EFCAB5: variants seen among roughly 807,000 people sequenced by gnomAD.
The protein encoded by EFCAB5 is EF-hand calcium binding domain 5, also known as EF-hand calcium-binding domain-containing protein 5.
A neutral mutation model predicts 167.9 loss-of-function variants in EFCAB5; 131 were observed. That is an observed-to-expected ratio of 0.78 (90% CI 0.68 to 0.90). EFCAB5 has a LOEUF of 0.90. Ranked by LOEUF, EFCAB5 falls within the 40% of genes least tolerant of loss-of-function variation. The pLI, the probability that EFCAB5 is intolerant of heterozygous loss-of-function variation, is 0.00. For missense variants in EFCAB5, 1,663 were observed against 1,745.2 expected (o/e 0.95, Z 0.84); for synonymous variants, 574 against 602.8 (o/e 0.95, Z 0.70).
chr17:30,078,144 G>GA (rs774447579), intron 14 of EFCAB5, 71 bp from the exon 15 acceptor site: 1 of 1,483,062 alleles, frequency 6.7e-7, no homozygotes, highest in Non-Finnish European at 9.0e-7. Context: ...ATCGTAAGAG[G>GA]AGAATGAAAA....
At chr17:29,968,572 T>A (rs765270268) in intron 3 of EFCAB5, among the ~76,000 whole-genome samples, 1 of 152,190 alleles carries the variant, frequency 6.6e-6, no homozygotes, top group African/African-American at 2.4e-5. Flanking sequence ...CCTACGTATT[T>A]AATGAAATCA....
chr17:30,040,431 G>C (rs914712367), intron 8 of EFCAB5, among the ~76,000 whole-genome samples: 1 of 152,156 alleles, frequency 6.6e-6, no homozygotes. Flanking sequence ...ACCTTTACTG[G>C]ACACTCTGCC....
intron 22 of EFCAB5, among the ~76,000 whole-genome samples, chr17:30,096,677 A>ATATTTTT (rs1193558323): frequency 2.5e-4 from 15 of 60,126 alleles, no homozygotes; most frequent in African/African-American, 1.2e-3. Context: ...ATATATATAT[A>ATATTTTT]TTTTTTTTTT....
intron 14 of EFCAB5, among the ~76,000 whole-genome samples, chr17:30,066,752 C>T (rs915276598): frequency 6.6e-6 from 1 of 151,452 alleles, no homozygotes; most frequent in African/African-American, 2.4e-5. Context: ...AAAGATAAAC[C>T]ATATTGCCAA....
At chr17:30,098,475 T>C (rs994385069) in intron 22 of EFCAB5, among the ~76,000 whole-genome samples, 5 of 150,066 alleles carry the variant, frequency 3.3e-5, no homozygotes, top group Admixed American at 6.7e-5. Flanking sequence ...GAGGCTGCAG[T>C]GAGCCATGTT....
At chr17:30,022,092 T>C (rs2069193602) in intron 7 of EFCAB5, among the ~76,000 whole-genome samples, 1 of 152,194 alleles carries the variant, frequency 6.6e-6, no homozygotes. Flanking sequence ...TGTTTTCTGA[T>C]GGATAAATGA....
At chr17:29,997,104 G>A (rs2068560674) in intron 6 of EFCAB5, among the ~76,000 whole-genome samples, 1 of 152,058 alleles carries the variant, frequency 6.6e-6, no homozygotes, top group African/African-American at 2.4e-5. Context: ...AATTAGCCGG[G>A]CATGGTGGCG....
chr17:30,094,838 GTGC>G (rs1406970258), intron 22 of EFCAB5, among the ~76,000 whole-genome samples: 1 of 152,206 alleles, frequency 6.6e-6, no homozygotes, highest in Non-Finnish European at 1.5e-5. Context: ...TTGCAGGTGA[GTGC>G]TGCTGACATA....
intron 3 of EFCAB5, among the ~76,000 whole-genome samples, chr17:29,951,882 G>A (rs1033763124): frequency 2.0e-5 from 3 of 152,102 alleles, no homozygotes; most frequent in South Asian, 2.1e-4. Flanking sequence ...TGCAGGTGGT[G>A]ACATAAATTG....
chr17:29,974,595 C>T (rs941145801), intron 4 of EFCAB5, among the ~76,000 whole-genome samples: 4 of 151,620 alleles, frequency 2.6e-5, no homozygotes, highest in Non-Finnish European at 4.4e-5. Context: ...AAAATAGAGC[C>T]ATGCAAAAAA....
intron 7 of EFCAB5, among the ~76,000 whole-genome samples, chr17:30,009,044 T>G (rs539767162): frequency 6.6e-6 from 1 of 152,346 alleles, no homozygotes; most frequent in South Asian, 2.1e-4. Context: ...GTGGTCACAT[T>G]GCCTTTTCTT....
At chr17:29,945,806 T>C (rs1036253307) in intron 3 of EFCAB5, among the ~76,000 whole-genome samples, 2 of 152,132 alleles carry the variant, frequency 1.3e-5, no homozygotes, top group Non-Finnish European at 2.9e-5. Flanking sequence ...TGAAACTGCA[T>C]CCCTATCTCT....
At chr17:30,021,254 T>C (rs1289792402) in intron 7 of EFCAB5, among the ~76,000 whole-genome samples, 1 of 150,548 alleles carries the variant, frequency 6.6e-6, no homozygotes, top group Non-Finnish European at 1.5e-5. Flanking sequence ...AATGAGTTTA[T>C]ATAAGTACTA....
At chr17:30,072,265 A>T (rs2070757157) in intron 14 of EFCAB5, among the ~76,000 whole-genome samples, 1 of 152,212 alleles carries the variant, frequency 6.6e-6, no homozygotes, top group Non-Finnish European at 1.5e-5. Flanking sequence ...GTACCCCATA[A>T]ATATGGACAA....
chr17:30,091,630 A>G (rs2071198739), intron 20 of EFCAB5, among the ~76,000 whole-genome samples: 2 of 152,216 alleles, frequency 1.3e-5, no homozygotes, highest in Admixed American at 6.5e-5. Context: ...GTCTAACTCT[A>G]AAACCCAAGT....
intron 14 of EFCAB5, chr17:30,073,656 G>C: frequency 1.4e-6 from 1 of 713,728 alleles, no homozygotes; most frequent in Non-Finnish European, 2.6e-6. Flanking sequence ...AGGGAAAGAA[G>C]GAAGTTTTTT....
chr17:29,973,483 T>TC (rs2068000422), intron 4 of EFCAB5, among the ~76,000 whole-genome samples: 1 of 148,448 alleles, frequency 6.7e-6, no homozygotes, highest in African/African-American at 2.5e-5. Context: ...CTTTTTCCTT[T>TC]TTTTTTTTTT....
At position 30,053,653 on chromosome 17, in the gene EFCAB5, G is replaced by A; in HGVS notation, c.1699G>A (p.Glu567Lys). ...GSSRRLLTEQ[E>K]THRESTTEQG... ...AAGTAGAAGGTTACTGACAGAACAA[G>A]AAACACACAGAGAGTCAACTACAGA... Residue 567 changes from glutamate (E) to lysine (K), a missense_variant, in exon 10 of 23, where the codon GAA becomes AAA. Glu to Lys is a moderately conservative substitution (Grantham distance 56). Coordinates refer to ENST00000394835, the MANE Select transcript of EFCAB5 (RefSeq NM_198529.4). The A allele has an allele frequency of 6.2e-7, 1 of 1,613,848 alleles. No homozygotes were observed. Among genetic ancestry groups the A allele is most frequent in the Middle Eastern group, 1.6e-4 (1 of 6,062 alleles).
At chr17:30,037,830 A>G (rs889704465) in intron 8 of EFCAB5, among the ~76,000 whole-genome samples, 8 of 152,198 alleles carry the variant, frequency 5.3e-5, no homozygotes, top group African/African-American at 1.9e-4. Flanking sequence ...GAAGAAAAAG[A>G]GAGAAGTTAA....
Sources: allele counts gnomAD v4.1 joint callset (sites outside exome capture counted in the v4.1 genomes callset), GRCh38; gene constraint gnomAD v4.1.1; transcripts MANE v1.5; gene names NCBI Gene and HGNC (gene_info 2026-07-23, HGNC 2026-07-21).